The following BCL2L13 variants were observed in gnomAD, a reference collection of about 807,000 sequenced individuals.
The protein encoded by BCL2L13 is bcl-2-like protein 13.
A neutral mutation model predicts 25.8 loss-of-function variants in BCL2L13; 13 were observed. That is an observed-to-expected ratio of 0.50 (90% CI 0.33 to 0.80). The LOEUF (loss-of-function observed/expected upper bound fraction) is 0.80, where lower values mean the gene tolerates loss of function less well. BCL2L13 is among the 30% of genes least tolerant of loss of function. The probability of loss-of-function intolerance (pLI) is 0.02; values close to 1 mark genes in which losing one functional copy is unlikely to be tolerated. For missense variants in BCL2L13, 504 were observed against 574.9 expected (o/e 0.88, Z 1.26); for synonymous variants, 244 against 230.3 (o/e 1.06, Z -0.54).
rs766953888 is a variant in BCL2L13 at position 17,655,741 on chromosome 22, A to G, written c.30A>G (p.Gly10=). 2 of 1,613,478 alleles carry G rather than the reference A, an allele frequency of 1.2e-6. No individual in the cohort carries two copies. Among genetic ancestry groups the G allele is most frequent in the Non-Finnish European group, 1.7e-6 (2 of 1,179,722 alleles). The change falls in exon 2 of 7, where the codon GGA becomes GGG. Residue 10 remains glycine, a synonymous_variant. Coordinates refer to ENST00000317582, the MANE Select transcript of BCL2L13 (RefSeq NM_015367.4). MASSSTVPL[G]FHYETKYVVL... is the part of the protein sequence containing the mutation. ...CGTCCTCTTCTACTGTGCCTCTGGG[A>G]TTTCACTATGAAACAAAGTATGTTG...
At chr22:17,684,839 T>C (rs1451841373) in intron 3 of BCL2L13, 2 of 324,790 alleles carry the variant, frequency 6.2e-6, no homozygotes, top group East Asian at 2.0e-4. Flanking sequence ...TTCAGGCCAT[T>C]CTCCTGCCTC....
upstream of BCL2L13, among the ~76,000 whole-genome samples, chr22:17,637,542 T>C (rs1456195519): frequency 7.2e-5 from 11 of 151,962 alleles, no homozygotes; most frequent in East Asian, 2.1e-3. Context: ...ACCTGGCTAA[T>C]TTTTTGTGTT....
chr22:17,727,485 C>T lies in BCL2L13; in HGVS notation c.1409C>T (p.Ala470Val). Residue 470 changes from alanine (A) to valine (V), a missense_variant, in exon 7 of 7, where the codon GCC becomes GTC. Ala to Val is a moderately conservative substitution (Grantham distance 64). Transcript: ENST00000317582. ...CTGTTTGGAGGGGCTGCTGCTGTTG[C>T]CATCCTGGCAGTGGCCATCGGGGTA... ...ILLFGGAAAV[A>V]ILAVAIGVAL... The T allele has an allele frequency of 6.2e-7, 1 of 1,614,230 alleles. No individual in the cohort carries two copies. Among genetic ancestry groups the T allele is most frequent in the South Asian group, 1.1e-5 (1 of 91,082 alleles).
intron 3 of BCL2L13, among the ~76,000 whole-genome samples, chr22:17,686,174 G>C (rs2059932334): frequency 6.6e-6 from 1 of 151,924 alleles, no homozygotes; most frequent in African/African-American, 2.4e-5. Flanking sequence ...ATAATCCCGA[G>C]ACCAGGTGCG....
chr22:17,633,896 G>A (rs1470941360), upstream of BCL2L13, among the ~76,000 whole-genome samples: 1 of 151,910 alleles, frequency 6.6e-6, no homozygotes, highest in East Asian at 1.9e-4. Context: ...CCTTCCGCTG[G>A]CTCTAGTAGA....
In BCL2L13 at chr22:17,727,191, C is replaced by T; in HGVS notation, c.1115C>T (p.Pro372Leu). 2 of 1,614,230 alleles carry T rather than the reference C, an allele frequency of 1.2e-6. No individual in the cohort carries two copies. Among genetic ancestry groups the T allele is most frequent in the Non-Finnish European group, 1.7e-6 (2 of 1,180,046 alleles). Residue 372 changes from proline to leucine, a missense_variant, in exon 7 of 7, where the codon CCT becomes CTT. Pro to Leu is a moderately conservative substitution (Grantham distance 98). Transcript: ENST00000317582. ...GTGATCACAGTTGAGAAATCCAGCC[C>T]TGCTACATCTCTGTTTGTAGAACTT... Reference protein sequence around the residue: ...TEVITVEKSSPATSLFVELDE... With the variant: ...TEVITVEKSSLATSLFVELDE...
chr22:17,724,369 G>A (rs909742241), intron 6 of BCL2L13, among the ~76,000 whole-genome samples: 11 of 152,182 alleles, frequency 7.2e-5, no homozygotes, highest in Non-Finnish European at 1.3e-4. Flanking sequence ...ATCCAGATTC[G>A]CACAGCTGGT....
chr22:17,699,689 G>C (rs1320551028), intron 5 of BCL2L13, among the ~76,000 whole-genome samples: 3 of 152,134 alleles, frequency 2.0e-5, no homozygotes, highest in Non-Finnish European at 2.9e-5. Flanking sequence ...CATGTGAATC[G>C]TGGGTTCTTC....
chr22:17,637,493 G>C (rs2058132274), upstream of BCL2L13, among the ~76,000 whole-genome samples: 1 of 150,962 alleles, frequency 6.6e-6, no homozygotes, highest in Non-Finnish European at 1.5e-5. Context: ...TCCTGCATCG[G>C]CCTCCCAAGT....
chr22:17,680,642 TAAG>T lies in BCL2L13; in HGVS notation c.122-2571_122-2569del, dbSNP rs566403724. On this transcript the variant is annotated intron_variant, in intron 2 of 6. Coordinates refer to ENST00000317582, the MANE Select transcript of BCL2L13 (RefSeq NM_015367.4). ...CCGAGGGGAGTGCATTGCGGTGTCT[TAAG>T]GAGGGTGGCATGCATGATTCACGAG... 4.7e-5 allele frequency among the ~76,000 whole-genome samples: 7 copies of T among 149,874 alleles called. No individual in the cohort carries two copies. The South Asian group carries it at 8.5e-4, about 18-fold the overall frequency.
At chr22:17,697,069 A>G (rs182650756) in intron 5 of BCL2L13, among the ~76,000 whole-genome samples, 4 of 152,244 alleles carry the variant, frequency 2.6e-5, no homozygotes, top group Non-Finnish European at 5.9e-5. Flanking sequence ...TATTAGGTAC[A>G]TAACCAAACT....
At chr22:17,696,020 T>G in intron 4 of BCL2L13, 121 bp from the exon 5 acceptor site, 1 of 689,240 alleles carries the variant, frequency 1.5e-6, no homozygotes, top group Non-Finnish European at 2.6e-6. Context: ...CAAAACAGTA[T>G]GTTGAATAAT....
intron 6 of BCL2L13, among the ~76,000 whole-genome samples, chr22:17,707,221 G>A (rs569869565): frequency 1.3e-5 from 2 of 152,300 alleles, no homozygotes; most frequent in South Asian, 4.1e-4. Flanking sequence ...GATGTTTACT[G>A]TGTTGTACTC....
intron 6 of BCL2L13, among the ~76,000 whole-genome samples, chr22:17,726,011 A>G (rs908727723): frequency 4.6e-5 from 7 of 152,258 alleles, no homozygotes; most frequent in African/African-American, 1.7e-4. Flanking sequence ...CATGAGGTCA[A>G]GTGTGGAATT....
Position 17,727,071 on chromosome 22 carries a change from G to A in BCL2L13, c.995G>A (p.Arg332Gln), listed in dbSNP as rs200217716. ...AAVASVVLPARELQEALPEAP... is the reference protein window; with the variant it reads ...AAVASVVLPAQELQEALPEAP... ...GTGGCTTCTGTGGTCTTGCCAGCGC[G>A]GGAGCTGCAAGAGGCACTTCCTGAA... Residue 332 changes from arginine (R) to glutamine (Q), a missense_variant, in exon 7 of 7, where the codon CGG becomes CAG. Arg to Gln is a conservative substitution (Grantham distance 43). Coordinates refer to ENST00000317582, the MANE Select transcript of BCL2L13 (RefSeq NM_015367.4). 1.9e-5 allele frequency: 30 copies of A among 1,614,180 alleles called. No individual in the cohort carries two copies. The highest frequency in any genetic ancestry group is 4.4e-5 in the South Asian group (4 of 91,084).
At chr22:17,646,811 C>G (rs1372902823) in intron 1 of BCL2L13, among the ~76,000 whole-genome samples, 12 of 142,952 alleles carry the variant, frequency 8.4e-5, no homozygotes, top group Non-Finnish European at 1.5e-5. Flanking sequence ...CCTCTGCCTC[C>G]CAGGTTCAAG....
intron 6 of BCL2L13, among the ~76,000 whole-genome samples, chr22:17,713,412 A>G (rs756572833): frequency 1.3e-5 from 2 of 151,720 alleles, no homozygotes; most frequent in Non-Finnish European, 2.9e-5. Context: ...CCATCAATTT[A>G]TGATGGGGCA....
At chr22:17,706,613 T>C in intron 6 of BCL2L13, 1 of 1,122,116 alleles carries the variant, frequency 8.9e-7, no homozygotes, top group East Asian at 5.8e-5. Context: ...TTTTTTTCCC[T>C]CTCCTTAAGT....
At chr22:17,640,348 A>T (rs992064828) in intron 1 of BCL2L13, among the ~76,000 whole-genome samples, 8 of 152,056 alleles carry the variant, frequency 5.3e-5, no homozygotes, top group African/African-American at 1.9e-4. Context: ...GGAAGAGTAT[A>T]TTCAGTAGTT....
Sources: gnomAD v4.1 joint callset for allele counts (sites outside exome capture counted in the v4.1 genomes callset) on GRCh38, gnomAD v4.1.1 for gene constraint, MANE v1.5 for transcripts, NCBI Gene and HGNC (gene_info 2026-07-23, HGNC 2026-07-21) for gene names.